JAKMIP2: variants seen among roughly 807,000 people sequenced by gnomAD.
JAKMIP2 encodes janus kinase and microtubule-interacting protein 2.
A neutral mutation model predicts 115.0 loss-of-function variants in JAKMIP2; 25 were observed. The observed-to-expected ratio is 0.22, with a 90% confidence interval of 0.16 to 0.30. JAKMIP2 has a LOEUF of 0.30. JAKMIP2 is among the 10% of genes least tolerant of loss of function. The pLI, the probability that JAKMIP2 is intolerant of heterozygous loss-of-function variation, is 1.00. For synonymous variants in JAKMIP2, 334 were observed against 343.6 expected (o/e 0.97, Z 0.31); for missense variants, 642 against 957.6 (o/e 0.67, Z 4.35).
rs541785996 is a variant in JAKMIP2 at position 147,751,234 on chromosome 5, G to T, written c.-149+31222C>A. Among the ~76,000 whole-genome samples, 5 of 150,824 alleles carry T rather than the reference G, an allele frequency of 3.3e-5. No individual in the cohort carries two copies. The South Asian group carries it at 1.0e-3, about 32-fold the overall frequency. ...TTATAGGCTCGTGCCGCCAGGCCCG[G>T]CTAAGTTGTTTTTTTGTTGTTGTTT... On this transcript the variant is annotated intron_variant, in intron 1 of 21. Transcript: ENST00000616793.
At chr5:147,682,170 C>A (rs13154930) in intron 1 of JAKMIP2, among the ~76,000 whole-genome samples, 21,246 of 151,986 alleles carry the variant, frequency 0.14, 2,031 homozygotes, top group East Asian at 0.45. Flanking sequence ...GAATGCTAAG[C>A]ATGAAGACCT....
intron 1 of JAKMIP2, among the ~76,000 whole-genome samples, chr5:147,714,639 C>T (rs1752900785): frequency 6.6e-6 from 1 of 152,072 alleles, no homozygotes; most frequent in African/African-American, 2.4e-5. Flanking sequence ...TGAATACCAG[C>T]AAGAATCACA....
chr5:147,628,335 C>T lies in JAKMIP2; in HGVS notation c.1995+416G>A, dbSNP rs1757201584. Among the ~76,000 whole-genome samples, 3 of 152,076 alleles carry T rather than the reference C, an allele frequency of 2.0e-5. No individual in the cohort carries two copies. In the South Asian group the frequency reaches 6.2e-4, roughly 32 times the overall value. ...ACTTTCTGAATGAGAAGGCAATGAGCCCCTACTAAGCCACAGGATCAGTTG... is the reference window on the plus strand; with the variant it reads ...ACTTTCTGAATGAGAAGGCAATGAGTCCCTACTAAGCCACAGGATCAGTTG... On this transcript the variant is annotated intron_variant, in intron 16 of 21. Transcript: ENST00000616793.
intron 1 of JAKMIP2, among the ~76,000 whole-genome samples, chr5:147,688,087 CA>C (rs1760658071): frequency 6.6e-6 from 1 of 152,162 alleles, no homozygotes; most frequent in African/African-American, 2.4e-5. Context: ...CACTCTTTTT[CA>C]TATCTATTAT....
At chr5:147,692,776 C>T (rs774982974) in intron 1 of JAKMIP2, among the ~76,000 whole-genome samples, 13 of 152,122 alleles carry the variant, frequency 8.5e-5, no homozygotes, top group Admixed American at 2.0e-4. Flanking sequence ...TAATAAAGCT[C>T]GCTCTCTCTT....
At chr5:147,645,221 A>G (rs1356799061) in intron 5 of JAKMIP2, among the ~76,000 whole-genome samples, 3 of 152,126 alleles carry the variant, frequency 2.0e-5, no homozygotes, top group Admixed American at 1.3e-4. Flanking sequence ...CCTTATATCA[A>G]TCCATTGTCT....
chr5:147,775,279 A>T (rs1755515819), intron 1 of JAKMIP2, among the ~76,000 whole-genome samples: 1 of 152,154 alleles, frequency 6.6e-6, no homozygotes. Context: ...TTGGAGTGAG[A>T]TGCATTTCTG....
chr5:147,609,547 G>A (rs1756204427), intron 20 of JAKMIP2, among the ~76,000 whole-genome samples: 1 of 152,184 alleles, frequency 6.6e-6, no homozygotes, highest in South Asian at 2.1e-4. Flanking sequence ...GAGATCCACT[G>A]TTAGTCTGAT....
intron 1 of JAKMIP2, among the ~76,000 whole-genome samples, chr5:147,678,067 C>T (rs925781373): frequency 6.6e-6 from 1 of 152,050 alleles, no homozygotes; most frequent in Non-Finnish European, 1.5e-5. Flanking sequence ...TGCAGTGGTG[C>T]GAACTTGGCT....
chr5:147,655,413 C>T (rs1263488250), intron 3 of JAKMIP2, among the ~76,000 whole-genome samples: 1 of 152,130 alleles, frequency 6.6e-6, no homozygotes, highest in Non-Finnish European at 1.5e-5. Context: ...TTGACTTCTT[C>T]CTGGTTTAGT....
intron 13 of JAKMIP2, among the ~76,000 whole-genome samples, chr5:147,632,174 G>A (rs1045720750): frequency 6.6e-6 from 1 of 152,084 alleles, no homozygotes; most frequent in Non-Finnish European, 1.5e-5. Flanking sequence ...TCTAAGACAA[G>A]TTACCTTGCT....
intron 1 of JAKMIP2, among the ~76,000 whole-genome samples, chr5:147,684,154 C>A (rs1271176352): frequency 6.6e-6 from 1 of 152,048 alleles, no homozygotes; most frequent in Non-Finnish European, 1.5e-5. Context: ...TCCACATAGG[C>A]CAAATTCCAC....
chr5:147,701,964 G>A (rs1752340932), intron 1 of JAKMIP2, among the ~76,000 whole-genome samples: 1 of 152,160 alleles, frequency 6.6e-6, no homozygotes, highest in South Asian at 2.1e-4. Flanking sequence ...CCATTCTTCT[G>A]ATAACAGAAC....
At chr5:147,758,043 T>G (rs1436878122) in intron 1 of JAKMIP2, among the ~76,000 whole-genome samples, 1 of 152,162 alleles carries the variant, frequency 6.6e-6, no homozygotes, top group Non-Finnish European at 1.5e-5. Flanking sequence ...GATAAATTTG[T>G]CTATTAAAAG....
At chr5:147,692,140 T>C (rs1055842540) in intron 1 of JAKMIP2, among the ~76,000 whole-genome samples, 13 of 152,232 alleles carry the variant, frequency 8.5e-5, no homozygotes, top group Non-Finnish European at 1.9e-4. Context: ...AGATGACTGA[T>C]GTCCTTTTAA....
chr5:147,720,798 C>A (rs1753241235), intron 1 of JAKMIP2, among the ~76,000 whole-genome samples: 1 of 151,746 alleles, frequency 6.6e-6, no homozygotes, highest in Non-Finnish European at 1.5e-5. Context: ...GTTTGAATGT[C>A]CTCCCGTAGC....
At chr5:147,771,476 T>C (rs1416950548) in intron 1 of JAKMIP2, among the ~76,000 whole-genome samples, 3 of 152,230 alleles carry the variant, frequency 2.0e-5, no homozygotes, top group East Asian at 1.9e-4. Flanking sequence ...CTTAGATATA[T>C]TTTAACCTGG....
At chr5:147,711,697 C>T (rs542424638) in intron 1 of JAKMIP2, among the ~76,000 whole-genome samples, 6 of 152,184 alleles carry the variant, frequency 3.9e-5, no homozygotes, top group Non-Finnish European at 5.9e-5. Flanking sequence ...GACAGAATCT[C>T]GCTCTTGTTG....
intron 1 of JAKMIP2, among the ~76,000 whole-genome samples, chr5:147,781,988 C>A (rs1016778130): frequency 6.6e-6 from 1 of 152,048 alleles, no homozygotes; most frequent in Non-Finnish European, 1.5e-5. Context: ...AATTCTGGGG[C>A]CACTTTTTCT....
Sources: gnomAD v4.1 joint callset for allele counts (sites outside exome capture counted in the v4.1 genomes callset) on GRCh38, gnomAD v4.1.1 for gene constraint, MANE v1.5 for transcripts, NCBI Gene and HGNC (gene_info 2026-07-23, HGNC 2026-07-21) for gene names.